TMA16: variants seen among roughly 807,000 people sequenced by gnomAD.
TMA16 encodes the protein translation machinery associated 16 homolog, also known as translation machinery-associated protein 16.
TMA16 carries 26 observed loss-of-function variants against 27.1 expected under a neutral mutation model. The ratio of observed to expected loss-of-function variants is 0.96; its 90% confidence interval spans 0.70 to 1.33. TMA16 has a LOEUF of 1.33. Among genes scored for constraint, TMA16 ranks in the 40% most tolerant of loss-of-function variants. TMA16 has a pLI of 0.00. For missense variants in TMA16, 233 were observed against 241.4 expected, an observed-to-expected ratio of 0.97 and a Z score of 0.23; for synonymous variants, 71 against 81.9, an observed-to-expected ratio of 0.87 and a Z score of 0.72.
At chr4:163,517,644 C>G (rs937550458) in intron 6 of TMA16, 168 bp downstream of exon 6, 4 of 500,074 alleles carry the variant, frequency 8.0e-6, no homozygotes, top group Non-Finnish European at 1.4e-5. Context: ...GGCGTACAAA[C>G]AGTTGATCTG....
At chr4:163,503,697 G>A (rs1264919018) in intron 1 of TMA16, among the ~76,000 whole-genome samples, 1 of 151,912 alleles carries the variant, frequency 6.6e-6, no homozygotes, top group Admixed American at 6.6e-5. Context: ...GACTATTTCT[G>A]TGGTGCCAGA....
At chr4:163,498,107 A>G (rs183700267) in intron 1 of TMA16, among the ~76,000 whole-genome samples, 1 of 152,234 alleles carries the variant, frequency 6.6e-6, no homozygotes, top group Admixed American at 6.5e-5. Context: ...TTAAACAGTG[A>G]ATATTCCATT....
At chr4:163,501,341 T>C (rs1053885340) in intron 1 of TMA16, among the ~76,000 whole-genome samples, 7 of 152,220 alleles carry the variant, frequency 4.6e-5, no homozygotes, top group African/African-American at 1.7e-4. Flanking sequence ...ACGTTTATTG[T>C]CTACTTTTAC....
In TMA16 at chr4:163,515,226, A is replaced by G. The variant is rs1737856129; in HGVS notation, c.240-87A>G. 5.9e-6 allele frequency: 8 copies of G among 1,345,408 alleles called. No homozygotes were observed. In the South Asian group the frequency reaches 8.4e-5, roughly 14 times the overall value. 83.3% of individuals were successfully genotyped at this position (1,345,408 alleles called of 1,614,324 possible). On this transcript the variant is annotated intron_variant, in intron 4 of 6. Coordinates refer to ENST00000358572, the MANE Select transcript of TMA16 (RefSeq NM_018352.3). ...AACATAAACATTTAAAGGCCACATG[A>G]AGGCTGGATACTAAGTTTTCCATTA...
At chr4:163,498,016 T>G (rs1737585590) in intron 1 of TMA16, among the ~76,000 whole-genome samples, 1 of 152,234 alleles carries the variant, frequency 6.6e-6, no homozygotes, top group African/African-American at 2.4e-5. Context: ...AATGGTATAC[T>G]GGACACCTTA....
intron 3 of TMA16, 130 bp from the exon 4 acceptor site, chr4:163,513,944 G>C (rs1256465592): frequency 1.8e-6 from 1 of 564,234 alleles, no homozygotes; most frequent in Non-Finnish European, 3.0e-6. Flanking sequence ...CCCACACAAG[G>C]CTTTATGTTT....
intron 1 of TMA16, among the ~76,000 whole-genome samples, chr4:163,497,866 G>T (rs1263690331): frequency 6.6e-6 from 1 of 152,186 alleles, no homozygotes; most frequent in East Asian, 1.9e-4. Flanking sequence ...GCCACAAAAA[G>T]ACTTTTTCCA....
Position 163,498,346 on chromosome 4 carries a change from G to A in TMA16, c.3+3542G>A, listed in dbSNP as rs141426649. On this transcript the variant is annotated intron_variant, in intron 1 of 6. Coordinates refer to ENST00000358572, the MANE Select transcript of TMA16 (RefSeq NM_018352.3). The stretch of plus-strand genomic sequence containing the variant: ...TCTGTCACCCATGCTGTAGTGCAGT[G>A]GCGTGATCTCGGCTCACTGCAAGCT... Among the ~76,000 whole-genome samples the A allele has an allele frequency of 9.3e-3, 1,369 of 147,498 alleles. 22 individuals are homozygous for A. Among genetic ancestry groups the A allele is most frequent in the East Asian group, 0.067 (336 of 5,024 alleles).
chr4:163,494,736 C>A lies in TMA16; in HGVS notation c.-66C>A. 6.2e-7 allele frequency: 1 copy of A among 1,611,840 alleles called. No homozygotes were observed. On this transcript the variant is annotated 5_prime_UTR_variant, in exon 1 of 7. Transcript: ENST00000358572. ...CCGGGTGCTCTTGTGAGCTGCTGCT[C>A]CTGCGGTTGGTGAGATTACCTGGGT...
intron 1 of TMA16, among the ~76,000 whole-genome samples, chr4:163,505,095 C>T (rs1408128042): frequency 1.3e-5 from 2 of 152,120 alleles, no homozygotes; most frequent in African/African-American, 4.8e-5. Flanking sequence ...AGGTCCAGCC[C>T]ACATTCAAAA....
chr4:163,512,593 C>T, intron 2 of TMA16: 1 of 417,392 alleles, frequency 2.4e-6, no homozygotes, highest in Non-Finnish European at 4.4e-6. Flanking sequence ...GTTCTATAGG[C>T]TTCCTTTAGA....
chr4:163,503,552 G>A lies in TMA16; in HGVS notation c.4-3481G>A, dbSNP rs148447464. Among the ~76,000 whole-genome samples the A allele has an allele frequency of 1.6e-3, 251 of 152,206 alleles. 1 individual carries two copies. The highest frequency in any genetic ancestry group is 2.6e-3 in the Admixed American group (40 of 15,290). ...GCCCCTAAAATAACTCTATTATGTC[G>A]TTTTGAATAAACTATGTGTTTTTTT... is the stretch of plus-strand genomic sequence containing the variant. On this transcript the variant is annotated intron_variant, in intron 1 of 6. Transcript: ENST00000358572.
At chr4:163,508,642 C>T (rs568117029) in intron 2 of TMA16, among the ~76,000 whole-genome samples, 8 of 152,250 alleles carry the variant, frequency 5.3e-5, no homozygotes, top group East Asian at 1.9e-4. Context: ...GGGGAAGCAA[C>T]GTGCTTACCA....
chr4:163,513,691 TATTA>T (rs1737830425), intron 3 of TMA16, among the ~76,000 whole-genome samples: 1 of 152,220 alleles, frequency 6.6e-6, no homozygotes, highest in African/African-American at 2.4e-5. Flanking sequence ...GCCTACAGCT[TATTA>T]AATACTCAGC....
Position 163,507,086 on chromosome 4 carries a change from A to G in TMA16, c.57A>G (p.Pro19=), listed in dbSNP as rs954131669. The change falls in exon 2 of 7, where the codon CCA becomes CCG. Residue 19 remains proline, a synonymous_variant. Transcript: ENST00000358572. ...GACGGGAAAAAAAAGTCATCCATCCATATAGTAGAAAAGCAGCTCAAATTA... is the reference window on the plus strand; with the variant it reads ...GACGGGAAAAAAAAGTCATCCATCCGTATAGTAGAAAAGCAGCTCAAATTA... ...SAGREKKVIH[P]YSRKAAQITR... is the part of the protein sequence containing the mutation. 40 of 1,595,894 alleles carry G rather than the reference A, an allele frequency of 2.5e-5. No homozygotes were observed. Among genetic ancestry groups the G allele is most frequent in the Non-Finnish European group, 3.2e-5 (37 of 1,170,282 alleles).
chr4:163,507,253 T>G, intron 2 of TMA16, 108 bp downstream of exon 2: 1 of 1,000,052 alleles, frequency 1.0e-6, no homozygotes, highest in Non-Finnish European at 1.5e-6. Flanking sequence ...TCATAAATAT[T>G]TATTAAGTGT....
In TMA16 at chr4:163,507,078, A is replaced by T; in HGVS notation, c.49A>T (p.Ile17Phe). 1.3e-6 allele frequency: 2 copies of T among 1,595,892 alleles called. No individual in the cohort carries two copies. The highest frequency in any genetic ancestry group is 1.7e-6 in the Non-Finnish European group (2 of 1,170,344). The part of the protein sequence containing the change: ...GKSAGREKKV[I>F]HPYSRKAAQI... The stretch of plus-strand genomic sequence containing the variant: ...AAGTGCAGGACGGGAAAAAAAAGTC[A>T]TCCATCCATATAGTAGAAAAGCAGC... Residue 17 changes from isoleucine (I) to phenylalanine (F), a missense_variant, in exon 2 of 7, where the codon ATC becomes TTC. Ile to Phe is a conservative substitution (Grantham distance 21). Coordinates refer to ENST00000358572, the MANE Select transcript of TMA16 (RefSeq NM_018352.3).
In TMA16 at chr4:163,519,576, G is replaced by C. The variant is rs1216256577; in HGVS notation, c.*62G>C. On this transcript the variant is annotated 3_prime_UTR_variant, in exon 7 of 7. Coordinates refer to ENST00000358572, the MANE Select transcript of TMA16 (RefSeq NM_018352.3). ...GCTTCAAATTATATTCATTGATTAT[G>C]GTACCTAATTGTCATGATACAAAAA... is the stretch of plus-strand genomic sequence containing the variant. 10 of 1,434,352 alleles carry C rather than the reference G, an allele frequency of 7.0e-6. No homozygotes were observed. The South Asian group carries it at 1.3e-4, about 19-fold the overall frequency. 88.9% of individuals were successfully genotyped at this position (1,434,352 alleles called of 1,614,324 possible).
intron 3 of TMA16, 49 bp downstream of exon 3, chr4:163,512,908 C>A: frequency 1.5e-6 from 2 of 1,370,066 alleles, no homozygotes; most frequent in Non-Finnish European, 2.0e-6. Flanking sequence ...TAGGGCATTT[C>A]TGCCCTATAC....
Sources: allele counts gnomAD v4.1 joint callset (sites outside exome capture counted in the v4.1 genomes callset), GRCh38; gene constraint gnomAD v4.1.1; transcripts MANE v1.5; gene names NCBI Gene and HGNC (gene_info 2026-07-23, HGNC 2026-07-21).